PRND: variants seen among roughly 807,000 people sequenced by gnomAD.
PRND encodes the protein prion-like protein doppel.
For missense variants in PRND, 227 were observed against 223.3 expected, an observed-to-expected ratio of 1.02 and a Z score of -0.11; for synonymous variants, 94 against 93.2, an observed-to-expected ratio of 1.01 and a Z score of -0.05.
At chr20:4,722,632 G>A (rs1273742832) in intron 1 of PRND, among the ~76,000 whole-genome samples, 2 of 151,950 alleles carry the variant, frequency 1.3e-5, no homozygotes, top group Non-Finnish European at 2.9e-5. Context: ...CATTTTATCA[G>A]AGGAACATTA....
rs976036946 is a variant in PRND at position 4,728,219 on chromosome 20, A to T, written c.*3137A>T. ...GCTTTTTAACTTGATTATGCCTTTT[A>T]AAAATACTATGTATGTAAAATATTT... On this transcript the variant is annotated 3_prime_UTR_variant, in exon 2 of 2. Coordinates refer to ENST00000305817, the MANE Select transcript of PRND (RefSeq NM_012409.4). 7 of 166,572 alleles carry T rather than the reference A, an allele frequency of 4.2e-5. No homozygotes were observed. The highest frequency in any genetic ancestry group is 7.3e-5 in the Non-Finnish European group (5 of 68,062). The allele number at this position is 166,572 out of a possible 1,614,324, so 10.3% of individuals were successfully genotyped here.
rs1042726136 is a variant in PRND, at chr20:4,723,976, A to G, written c.-11-565A>G. On this transcript the variant is annotated intron_variant, in intron 1 of 1. Transcript: ENST00000305817. ...TGTGTGTGTGTGTGTGTGTGTGTGT[A>G]TGTGTGTGTGTCTGTACATATACGT... is the stretch of plus-strand genomic sequence containing the variant. 5.0e-4 allele frequency among the ~76,000 whole-genome samples: 54 copies of G among 108,332 alleles called. 1 individual carries two copies. The highest frequency in any genetic ancestry group is 9.0e-4 in the South Asian group (3 of 3,330). 71.1% of individuals were successfully genotyped at this position (108,332 alleles called of 152,430 possible). A position where few individuals can be genotyped will look rare whatever the true frequency, so the allele number is the denominator to read the frequency against.
intron 1 of PRND, among the ~76,000 whole-genome samples, chr20:4,723,010 C>T (rs1923149784): frequency 6.6e-6 from 1 of 152,164 alleles, no homozygotes; most frequent in Non-Finnish European, 1.5e-5. Flanking sequence ...CTGGTGTTCC[C>T]CCAGGCCCTC....
chr20:4,725,177 G>A lies in PRND; in HGVS notation c.*95G>A. 1 of 1,489,534 alleles carries A rather than the reference G, an allele frequency of 6.7e-7. No individual in the cohort carries two copies. Among genetic ancestry groups the A allele is most frequent in the Non-Finnish European group, 9.1e-7 (1 of 1,098,932 alleles). 92.3% of individuals were successfully genotyped at this position (1,489,534 alleles called of 1,614,324 possible). On this transcript the variant is annotated 3_prime_UTR_variant, in exon 2 of 2. Transcript: ENST00000305817. ...CCCCAAACCCACGCGTGTTCTGAAG[G>A]TGCCCAGGAGCGGCGATGCACTCGC...
Position 4,724,537 on chromosome 20 carries a change from G to A in PRND, c.-11-4G>A, listed in dbSNP as rs765047458. The A allele has an allele frequency of 1.5e-5, 25 of 1,613,760 alleles. 1 individual carries two copies. In the Middle Eastern group the frequency reaches 5.0e-4, roughly 32 times the overall value. On this transcript the variant is annotated splice_polypyrimidine_tract_variant and splice_region_variant and intron_variant, in intron 1 of 1. Coordinates refer to ENST00000305817, the MANE Select transcript of PRND (RefSeq NM_012409.4). This position sits in a 1 kb window ranked among gnomAD's most constrained non-coding sequence, Gnocchi z 4.8. The stretch of plus-strand genomic sequence containing the variant: ...GAGCTGACCCACCGCCGTTTCTCTG[G>A]CAGGTTCTGACGCGATGAGGAAGCA...
At position 4,725,765 on chromosome 20, in the gene PRND, C is replaced by T. The variant is rs1923244399; in HGVS notation, c.*683C>T. On this transcript the variant is annotated 3_prime_UTR_variant, in exon 2 of 2. Transcript: ENST00000305817. ...ATACAAGTAAAGCTAGACAAAGGCCCAGAAATCATACTGTAAGGAAATGTT... is the reference window on the plus strand; with the variant it reads ...ATACAAGTAAAGCTAGACAAAGGCCTAGAAATCATACTGTAAGGAAATGTT... The T allele has an allele frequency of 6.0e-6, 1 of 166,774 alleles. No homozygotes were observed. The highest frequency in any genetic ancestry group is 1.5e-5 in the Non-Finnish European group (1 of 68,140). The allele number at this position is 166,774 out of a possible 1,614,324, so 10.3% of individuals were successfully genotyped here.
rs1923217960 is a variant in PRND, at chr20:4,724,947, C to T, written c.396C>T (p.Leu132=). Residue 132 remains leucine (L), a synonymous_variant, in exon 2 of 2, where the codon CTC becomes CTT. Coordinates refer to ENST00000305817, the MANE Select transcript of PRND (RefSeq NM_012409.4). The surrounding 1 kb of genome is among the most constrained non-coding windows in gnomAD (Gnocchi z 4.8). ...ACAACAAGCTCCACCAGCAGGTGCT[C>T]TGGCGGCTGGTCCAGGAGCTCTGCT... The part of the protein sequence containing the change: ...KPDNKLHQQV[L]WRLVQELCSL... 1 of 1,614,144 alleles carries T rather than the reference C, an allele frequency of 6.2e-7. No individual in the cohort carries two copies. The highest frequency in any genetic ancestry group is 8.5e-7 in the Non-Finnish European group (1 of 1,180,042).
In PRND at chr20:4,725,117, G is replaced by A. The variant is rs768715369; in HGVS notation, c.*35G>A. ...GAGGCTGGCAGTACAGAGTGCAGCA[G>A]CGAGCAAATCCTGGCAAGTGACCCA... On this transcript the variant is annotated 3_prime_UTR_variant, in exon 2 of 2. Coordinates refer to ENST00000305817, the MANE Select transcript of PRND (RefSeq NM_012409.4). 2.5e-5 allele frequency: 40 copies of A among 1,596,536 alleles called. No homozygotes were observed. Among genetic ancestry groups the A allele is most frequent in the Admixed American group, 5.2e-5 (3 of 57,740 alleles).
At position 4,724,499 on chromosome 20, in the gene PRND, C is replaced by G. The variant is rs1294207985; in HGVS notation, c.-11-42C>G. Reference sequence around the variant, plus strand: ...TTGGGAGGGGGCAGGGGAGCCCAGGCAGGCCTGGTGGGGAGCTGACCCACC... The same window carrying G: ...TTGGGAGGGGGCAGGGGAGCCCAGGGAGGCCTGGTGGGGAGCTGACCCACC... On this transcript the variant is annotated intron_variant, in intron 1 of 1. Transcript: ENST00000305817. This position sits in a 1 kb window ranked among gnomAD's most constrained non-coding sequence, Gnocchi z 4.8. The G allele has an allele frequency of 2.5e-6, 4 of 1,611,932 alleles. No homozygotes were observed. Among genetic ancestry groups the G allele is most frequent in the Non-Finnish European group, 3.4e-6 (4 of 1,179,148 alleles).
At chr20:4,723,999 C>CATATATATATATGTGT (rs1923180851) in intron 1 of PRND, among the ~76,000 whole-genome samples, 2 of 139,630 alleles carry the variant, frequency 1.4e-5, no homozygotes, top group African/African-American at 5.3e-5. Flanking sequence ...TGTACATATA[C>CATATATATATATGTGT]GTATATATAT....
rs1923205185 is a variant in PRND at position 4,724,654 on chromosome 20, T to A, written c.103T>A (p.Trp35Arg). Reference sequence around the variant, plus strand: ...GAGGGGCATCAAGCACAGAATCAAGTGGAACCGGAAGGCCCTGCCCAGCAC... The same window carrying A: ...GAGGGGCATCAAGCACAGAATCAAGAGGAACCGGAAGGCCCTGCCCAGCAC... ...QTRGIKHRIK[W>R]NRKALPSTAQ... The change falls in exon 2 of 2, where the codon TGG becomes AGG. Residue 35 changes from tryptophan to arginine, a missense_variant. Trp to Arg is a moderately radical substitution (Grantham distance 101). Coordinates refer to ENST00000305817, the MANE Select transcript of PRND (RefSeq NM_012409.4). This position sits in a 1 kb window ranked among gnomAD's most constrained non-coding sequence, Gnocchi z 4.8. 2.5e-6 allele frequency: 4 copies of A among 1,614,072 alleles called. No individual in the cohort carries two copies. In the East Asian group the frequency reaches 6.7e-5, roughly 27 times the overall value.
chr20:4,722,735 G>A (rs1231421991), intron 1 of PRND, among the ~76,000 whole-genome samples: 2 of 152,048 alleles, frequency 1.3e-5, no homozygotes, highest in African/African-American at 4.8e-5. Flanking sequence ...GGGGCCCCAT[G>A]GCCTCACAGT....
At chr20:4,723,438 T>C (rs1290505879) in intron 1 of PRND, among the ~76,000 whole-genome samples, 1 of 152,128 alleles carries the variant, frequency 6.6e-6, no homozygotes, top group East Asian at 1.9e-4. Context: ...AGGGGTGAGA[T>C]TGGAAAGGAT....
rs1477929056 is a variant in PRND at position 4,725,048 on chromosome 20, G to A, written c.497G>A (p.Cys166Tyr). The change falls in exon 2 of 2, where the codon TGC (cysteine) becomes TAC (tyrosine). Residue 166 changes from cysteine (C) to tyrosine (Y), a missense_variant. Transcript: ENST00000305817. ...ACCATGCACCAGCCAGTGCTCCTCT[G>A]CCTTCTGGCTTTGATCTGGCTCACG... ...RVTMHQPVLL[C>Y]LLALIWLTVK 6.2e-7 allele frequency: 1 copy of A among 1,613,522 alleles called. No homozygotes were observed. The highest frequency in any genetic ancestry group is 1.1e-5 in the South Asian group (1 of 91,064).
chr20:4,723,338 A>G (rs1386445406), intron 1 of PRND, among the ~76,000 whole-genome samples: 1 of 152,248 alleles, frequency 6.6e-6, no homozygotes, highest in Non-Finnish European at 1.5e-5. Context: ...AAGTTAGGCA[A>G]TGTCAGAGAA....
rs58804370 is a variant in PRND, at chr20:4,726,136, A to AT, written c.*1072dup. On this transcript the variant is annotated 3_prime_UTR_variant, in exon 2 of 2. Coordinates refer to ENST00000305817, the MANE Select transcript of PRND (RefSeq NM_012409.4). ...GGGCCTCCCATAGTGCTGGGATTCA[A>AT]TTTTTTTTTTTTTTTTTTCAAAAGA... 0.024 allele frequency: 2,944 copies of AT among 120,480 alleles called. 59 individuals carry two copies. The highest frequency in any genetic ancestry group is 0.04 in the African/African-American group (1,171 of 29,558). The allele number at this position is 120,480 out of a possible 1,614,324, so 7.5% of individuals were successfully genotyped here.
chr20:4,724,408 C>T lies in PRND; in HGVS notation c.-11-133C>T. 8.4e-7 allele frequency: 1 copy of T among 1,185,266 alleles called. No homozygotes were observed. The highest frequency in any genetic ancestry group is 1.2e-6 in the Non-Finnish European group (1 of 814,398). The allele number at this position is 1,185,266 out of a possible 1,614,324, so 73.4% of individuals were successfully genotyped here. On this transcript the variant is annotated intron_variant, in intron 1 of 1. Coordinates refer to ENST00000305817, the MANE Select transcript of PRND (RefSeq NM_012409.4). The surrounding 1 kb of genome is among the most constrained non-coding windows in gnomAD (Gnocchi z 4.8). ...CCTGCACAACCCAAACATGGGGAAA[C>T]AATTATGCTTTTGAGACCACATAAA... is the stretch of plus-strand genomic sequence containing the variant.
Position 4,724,851 on chromosome 20 carries a change from C to T in PRND, c.300C>T (p.Thr100=), listed in dbSNP as rs765171600. 4 of 1,614,084 alleles carry T rather than the reference C, an allele frequency of 2.5e-6. No individual in the cohort carries two copies. Among genetic ancestry groups the T allele is most frequent in the East Asian group, 4.5e-5 (2 of 44,890 alleles). ...ACGGCTGCTCTGAGGCTAATGTGACCAAGGAGGCATTTGTCACCGGCTGCA... is the reference window on the plus strand; with the variant it reads ...ACGGCTGCTCTGAGGCTAATGTGACTAAGGAGGCATTTGTCACCGGCTGCA... The part of the protein sequence containing the change: ...HYNGCSEANV[T]KEAFVTGCIN... The change falls in exon 2 of 2, where the codon ACC becomes ACT. Residue 100 remains threonine, a synonymous_variant. Transcript: ENST00000305817. This position sits in a 1 kb window ranked among gnomAD's most constrained non-coding sequence, Gnocchi z 4.8.
chr20:4,722,692 G>A (rs577225169), intron 1 of PRND, among the ~76,000 whole-genome samples: 8 of 152,118 alleles, frequency 5.3e-5, no homozygotes, highest in South Asian at 2.1e-4. Context: ...TGTGAGGGGC[G>A]AAACAAGCTC....
Sources: gnomAD v4.1 joint callset for allele counts (sites outside exome capture counted in the v4.1 genomes callset) on GRCh38, gnomAD v4.1.1 for gene constraint, Gnocchi (gnomAD v3.1) non-coding constraint, MANE v1.5 for transcripts, NCBI Gene and HGNC (gene_info 2026-07-23, HGNC 2026-07-21) for gene names.